RABGEF1: variants seen among roughly 807,000 people sequenced by gnomAD.
RABGEF1 encodes the protein rab5 GDP/GTP exchange factor.
Under a neutral mutation model 57.3 loss-of-function variants are expected in RABGEF1, and 26 were observed. The ratio of observed to expected loss-of-function variants is 0.45; its 90% CI spans 0.33 to 0.63. RABGEF1 has a LOEUF of 0.63. Ranked by LOEUF, RABGEF1 falls within the 20% of genes least tolerant of loss-of-function variation. The probability of loss-of-function intolerance (pLI) is 0.02; values close to 1 mark genes in which losing one functional copy is unlikely to be tolerated. For synonymous variants in RABGEF1, 185 were observed against 210.7 expected (o/e 0.88, Z 1.06); for missense variants, 464 against 607.6 (o/e 0.76, Z 2.48).
chr7:66,770,520 G>C (rs1806828830), intron 1 of RABGEF1: 1 of 152,194 alleles, frequency 6.6e-6, no homozygotes, highest in South Asian at 2.1e-4. Flanking sequence ...GCCTCGCTCT[G>C]TCACCCAGGC....
chr7:66,773,705 ACC>A (rs1186778537), intron 2 of RABGEF1: 4 of 453,900 alleles, frequency 8.8e-6, no homozygotes, highest in Admixed American at 7.1e-5. Context: ...TTGCTCTGTT[ACC>A]CTGGCTGGAG....
intron 1 of RABGEF1, among the ~76,000 whole-genome samples, chr7:66,760,777 C>T (rs879324486): frequency 2.6e-5 from 4 of 151,444 alleles, no homozygotes; most frequent in Non-Finnish European, 2.9e-5. Flanking sequence ...CTAATACTCA[C>T]GAGGGGAAGA....
At chr7:66,796,715 C>T (rs573567974) in intron 5 of RABGEF1, 6 of 292,932 alleles carry the variant, frequency 2.0e-5, no homozygotes, top group African/African-American at 4.7e-5. Context: ...TCTCAGCCCC[C>T]GAGTGGCTGG....
At chr7:66,695,298 C>T (rs533298341) in intron 1 of RABGEF1, among the ~76,000 whole-genome samples, 2 of 151,612 alleles carry the variant, frequency 1.3e-5, no homozygotes, top group Non-Finnish European at 1.5e-5. Flanking sequence ...AGCAGCAGAG[C>T]GAGACCCTGT....
At chr7:66,783,624 T>C (rs1810478480) in intron 3 of RABGEF1, 51 bp from the exon 4 acceptor site, 1 of 1,477,004 alleles carries the variant, frequency 6.8e-7, no homozygotes, top group South Asian at 1.4e-5. Flanking sequence ...AGTAATTCCA[T>C]GCATGGATCT....
At chr7:66,689,166 A>G (rs891900882) in intron 1 of RABGEF1, among the ~76,000 whole-genome samples, 1 of 152,180 alleles carries the variant, frequency 6.6e-6, no homozygotes, top group African/African-American at 2.4e-5. Context: ...TAAAGGATCT[A>G]GAAAAGAAGA....
chr7:66,691,969 A>T (rs922467537), intron 1 of RABGEF1, among the ~76,000 whole-genome samples: 4 of 152,104 alleles, frequency 2.6e-5, no homozygotes, highest in Admixed American at 6.6e-5. Flanking sequence ...AGGTGAGAGG[A>T]TCACTTGAGG....
intron 1 of RABGEF1, 42 bp downstream of exon 1, chr7:66,740,834 C>T (rs1798739751): frequency 6.6e-6 from 1 of 152,054 alleles, no homozygotes; most frequent in African/African-American, 2.4e-5. Flanking sequence ...GCTCGGCTCT[C>T]AGCTACAGGA....
intron 2 of RABGEF1, among the ~76,000 whole-genome samples, chr7:66,714,544 C>G (rs1237980480): frequency 2.0e-5 from 3 of 152,076 alleles, no homozygotes; most frequent in African/African-American, 7.2e-5. Flanking sequence ...ATTGATTTCT[C>G]TATTGTTTTC....
chr7:66,730,413 A>G (rs1797169594), intron 2 of RABGEF1, among the ~76,000 whole-genome samples: 2 of 152,164 alleles, frequency 1.3e-5, no homozygotes, highest in Non-Finnish European at 2.9e-5. Context: ...TTATTTTTAG[A>G]TAGAGTCTTG....
Position 66,805,271 on chromosome 7 carries a change from A to G in RABGEF1, c.952A>G (p.Thr318Ala). 1 of 1,613,968 alleles carries G rather than the reference A, an allele frequency of 6.2e-7. No individual in the cohort carries two copies. Among genetic ancestry groups the G allele is most frequent in the Non-Finnish European group, 8.5e-7 (1 of 1,179,990 alleles). ...EPASADDFLP[T>A]LIYIVLKGNP... Reference sequence around the variant, plus strand: ...GGCGTCAGCGGATGACTTCCTCCCCACCCTCATCTACATTGTTTTGAAGGG... The same window carrying G: ...GGCGTCAGCGGATGACTTCCTCCCCGCCCTCATCTACATTGTTTTGAAGGG... The change falls in exon 8 of 9, where the codon ACC becomes GCC. Residue 318 changes from threonine (T) to alanine (A), a missense_variant. Coordinates refer to ENST00000284957, the MANE Select transcript of RABGEF1 (RefSeq NM_014504.3).
intron 3 of RABGEF1, among the ~76,000 whole-genome samples, chr7:66,778,280 G>C (rs529798085): frequency 0.015 from 2,212 of 152,184 alleles, 61 homozygotes; most frequent in East Asian, 0.094. Flanking sequence ...GTAGCAGCTT[G>C]GTAGCAGACA....
At chr7:66,751,277 T>G (rs1034356074) in intron 1 of RABGEF1, among the ~76,000 whole-genome samples, 8 of 152,210 alleles carry the variant, frequency 5.3e-5, no homozygotes, top group Admixed American at 5.2e-4. Context: ...GTGATCCGCC[T>G]GCCTCGGCCT....
chr7:66,712,769 A>T (rs1341826232), intron 2 of RABGEF1, among the ~76,000 whole-genome samples: 1 of 151,590 alleles, frequency 6.6e-6, no homozygotes, highest in Non-Finnish European at 1.5e-5. Context: ...CACTGCACCC[A>T]GCCTCTTTCT....
At chr7:66,695,552 G>T (rs1792196143) in intron 1 of RABGEF1, among the ~76,000 whole-genome samples, 1 of 152,164 alleles carries the variant, frequency 6.6e-6, no homozygotes. Context: ...ATCTGGGGAG[G>T]ACTGGGGACA....
chr7:66,704,945 C>G (rs73135973), intron 1 of RABGEF1, among the ~76,000 whole-genome samples: 15,720 of 152,172 alleles, frequency 0.1, 886 homozygotes, highest in Non-Finnish European at 0.11. Flanking sequence ...AAACTGTCTT[C>G]CAAAATGGCT....
At chr7:66,800,428 G>C (rs147413605) in intron 7 of RABGEF1, among the ~76,000 whole-genome samples, 1 of 152,092 alleles carries the variant, frequency 6.6e-6, no homozygotes, top group Admixed American at 6.5e-5. Flanking sequence ...TTATCTTCCC[G>C]TGTCAACTCC....
At chr7:66,662,096 G>A in the RABGEF1 span, among the ~76,000 whole-genome samples, 1 of 152,016 alleles carries the variant, frequency 6.6e-6, no homozygotes, top group Non-Finnish European at 1.5e-5. Context: ...AAAATTAGCC[G>A]GGCACGGTGG....
intron 2 of RABGEF1, among the ~76,000 whole-genome samples, chr7:66,718,487 T>C (rs1795647056): frequency 1.3e-5 from 2 of 152,208 alleles, no homozygotes; most frequent in African/African-American, 4.8e-5. Flanking sequence ...TCTTTATATA[T>C]TGGATAATTT....
Sources: allele counts gnomAD v4.1 joint callset (sites outside exome capture counted in the v4.1 genomes callset), GRCh38; gene constraint gnomAD v4.1.1; transcripts MANE v1.5; gene names NCBI Gene and HGNC (gene_info 2026-07-23, HGNC 2026-07-21).